Variants in ABI2 observed in about 807,000 individuals in gnomAD.
ABI2 encodes abl interactor 2.
In ABI2, 25 loss-of-function variants were observed where a neutral mutation model predicts 59.2. The ratio of observed to expected loss-of-function variants is 0.42; its 90% confidence interval spans 0.31 to 0.59. The LOEUF is 0.59. ABI2 is among the 20% of genes least tolerant of loss of function. The pLI, the probability that ABI2 is intolerant of heterozygous loss-of-function variation, is 0.14. For synonymous variants in ABI2, 213 were observed against 235.5 expected (o/e 0.90, Z 0.87); for missense variants, 545 against 681.8 (o/e 0.80, Z 2.23).
Position 203,430,850 on chromosome 2 carries a change from A to AT in ABI2, c.*3499dup, listed in dbSNP as rs1338175747. 1 of 152,226 alleles carries AT rather than the reference A, an allele frequency of 6.6e-6. No homozygotes were observed. The highest frequency in any genetic ancestry group is 2.4e-5 in the African/African-American group (1 of 41,472). 9.4% of individuals were successfully genotyped at this position (152,226 alleles called of 1,614,324 possible). On this transcript the variant is annotated 3_prime_UTR_variant, in exon 12 of 12. Coordinates refer to ENST00000261018, the MANE Select transcript of ABI2 (RefSeq NM_001375670.1). ...TGCTCCTTGGCAGTTTATGTTGAAG[A>AT]TAACTAAAGATTTTTCTCTTTGGGA...
At position 203,383,950 on chromosome 2, in the gene ABI2, C is replaced by T. The variant is rs139365963; in HGVS notation, c.480+1744C>T. On this transcript the variant is annotated intron_variant, in intron 4 of 11. Coordinates refer to ENST00000261018, the MANE Select transcript of ABI2 (RefSeq NM_001375670.1). Reference sequence around the variant, plus strand: ...CTTTTTATACTTTTCAGACAGTCTCCAGAGAAAGTCATCATACTTTAGGAC... The same window carrying T: ...CTTTTTATACTTTTCAGACAGTCTCTAGAGAAAGTCATCATACTTTAGGAC... 6.6e-4 allele frequency among the ~76,000 whole-genome samples: 101 copies of T among 152,186 alleles called. 1 individual carries two copies. The highest frequency in any genetic ancestry group is 3.4e-3 in the Middle Eastern group (1 of 294).
intron 11 of ABI2, among the ~76,000 whole-genome samples, chr2:203,425,608 G>T (rs888211774): frequency 2.6e-5 from 4 of 152,106 alleles, no homozygotes; most frequent in Non-Finnish European, 4.4e-5. Context: ...TATTTTCTGG[G>T]TTTTTTTGTA....
intron 1 of ABI2, among the ~76,000 whole-genome samples, chr2:203,358,071 T>TGTGTGTGTG (rs1234117326): frequency 6.2e-5 from 8 of 128,850 alleles, no homozygotes; most frequent in African/African-American, 2.4e-4. Context: ...CCTGGCCTGT[T>TGTGTGTGTG]TGTGTGTGTG....
intron 1 of ABI2, among the ~76,000 whole-genome samples, chr2:203,338,458 C>G (rs889339228): frequency 6.6e-6 from 1 of 151,898 alleles, no homozygotes; most frequent in Non-Finnish European, 1.5e-5. Context: ...TAAGTGAGTT[C>G]TTGCTTGGTT....
intron 1 of ABI2, among the ~76,000 whole-genome samples, chr2:203,339,991 A>G (rs1248054208): frequency 6.6e-6 from 1 of 152,198 alleles, no homozygotes; most frequent in Non-Finnish European, 1.5e-5. Context: ...TGTATATTGG[A>G]CCCACACAGT....
At chr2:203,330,533 T>G (rs2072550978) in intron 1 of ABI2, among the ~76,000 whole-genome samples, 2 of 152,118 alleles carry the variant, frequency 1.3e-5, no homozygotes, top group Non-Finnish European at 2.9e-5. Flanking sequence ...TACCATGTAG[T>G]TAATTTATAC....
chr2:203,328,514 G>A lies in ABI2; in HGVS notation c.-1G>A, dbSNP rs1265762813. 1.2e-6 allele frequency: 2 copies of A among 1,603,208 alleles called. No individual in the cohort carries two copies. Among genetic ancestry groups the A allele is most frequent in the Admixed American group, 3.4e-5 (2 of 59,072 alleles). On this transcript the variant is annotated 5_prime_UTR_variant, in exon 1 of 12. Coordinates refer to ENST00000261018, the MANE Select transcript of ABI2 (RefSeq NM_001375670.1). The stretch of plus-strand genomic sequence containing the variant: ...AGGAGGAGGAGGAGGAGGATGTGAA[G>A]ATGGCGGAGCTGCAGATGCTGCTGG...
At chr2:203,367,840 C>A (rs2094609730) in intron 2 of ABI2, among the ~76,000 whole-genome samples, 1 of 151,728 alleles carries the variant, frequency 6.6e-6, no homozygotes, top group African/African-American at 2.4e-5. Flanking sequence ...CTGTTCTCTA[C>A]CAAAAATACA....
At chr2:203,407,456 A>G (rs1423479522) in intron 9 of ABI2, among the ~76,000 whole-genome samples, 1 of 152,220 alleles carries the variant, frequency 6.6e-6, no homozygotes, top group African/African-American at 2.4e-5. Flanking sequence ...AAGCTGTAAA[A>G]ATAAGATGTA....
At chr2:203,367,118 C>T in intron 2 of ABI2, 74 bp downstream of exon 2, 1 of 1,438,294 alleles carries the variant, frequency 7.0e-7, no homozygotes, top group South Asian at 1.7e-5. Context: ...GTAATGCTGG[C>T]AGCTTTTATT....
At chr2:203,426,888 G>A (rs1034835423) in intron 11 of ABI2, among the ~76,000 whole-genome samples, 26 of 151,532 alleles carry the variant, frequency 1.7e-4, no homozygotes, top group African/African-American at 5.1e-4. Context: ...CTTCAATGAG[G>A]TACTTCCCTG....
At chr2:203,378,007 C>T (rs2095824369) in intron 2 of ABI2, among the ~76,000 whole-genome samples, 2 of 152,166 alleles carry the variant, frequency 1.3e-5, no homozygotes, top group African/African-American at 2.4e-5. Context: ...CTTAACTTTT[C>T]TGTTACAGTT....
At chr2:203,349,902 G>A (rs2086595442) in intron 1 of ABI2, among the ~76,000 whole-genome samples, 1 of 151,896 alleles carries the variant, frequency 6.6e-6, no homozygotes, top group South Asian at 2.1e-4. Flanking sequence ...GTTTCTTTGG[G>A]GTATATACCT....
At chr2:203,376,269 T>C (rs2095671069) in intron 2 of ABI2, 2 of 591,864 alleles carry the variant, frequency 3.4e-6, no homozygotes, top group Non-Finnish European at 5.8e-6. Context: ...GCTACAGTTA[T>C]CTACCTGGAT....
At chr2:203,359,784 C>T (rs1267514287) in intron 1 of ABI2, among the ~76,000 whole-genome samples, 1 of 152,114 alleles carries the variant, frequency 6.6e-6, no homozygotes, top group Non-Finnish European at 1.5e-5. Context: ...CTAATCACCT[C>T]CTAAAGGCTC....
chr2:203,428,384 G>A lies in ABI2; in HGVS notation c.*1032G>A, dbSNP rs895528651. ...CACTGGGAGTACAAGGTTTGCTAAT[G>A]TGCTCTCTGGACGTTATTAATGGCC... is the stretch of plus-strand genomic sequence containing the variant. On this transcript the variant is annotated 3_prime_UTR_variant, in exon 12 of 12. Transcript: ENST00000261018. 97 of 152,610 alleles carry A rather than the reference G, an allele frequency of 6.4e-4. No individual in the cohort carries two copies. Among genetic ancestry groups the A allele is most frequent in the African/African-American group, 2.3e-3 (94 of 41,498 alleles). 9.5% of individuals were successfully genotyped at this position (152,610 alleles called of 1,614,324 possible).
chr2:203,353,362 TTAG>T (rs1209609107), intron 1 of ABI2, among the ~76,000 whole-genome samples: 1 of 152,208 alleles, frequency 6.6e-6, no homozygotes, highest in Non-Finnish European at 1.5e-5. Context: ...ACTACCATAT[TTAG>T]TAGCACAGAT....
In ABI2 at chr2:203,430,092, A is replaced by G. The variant is rs2098470451; in HGVS notation, c.*2740A>G. ...GATTGTCTTGGAAGGATACTGTGTG[A>G]TGGGTCAGGCACACAGTAATTGGAG... On this transcript the variant is annotated 3_prime_UTR_variant, in exon 12 of 12. Coordinates refer to ENST00000261018, the MANE Select transcript of ABI2 (RefSeq NM_001375670.1). 1 of 152,150 alleles carries G rather than the reference A, an allele frequency of 6.6e-6. No individual in the cohort carries two copies. The highest frequency in any genetic ancestry group is 2.4e-5 in the African/African-American group (1 of 41,430). 9.4% of individuals were successfully genotyped at this position (152,150 alleles called of 1,614,324 possible).
chr2:203,415,005 T>C (rs1047503483), intron 10 of ABI2, among the ~76,000 whole-genome samples: 3 of 152,232 alleles, frequency 2.0e-5, no homozygotes, highest in African/African-American at 7.2e-5. Flanking sequence ...AATTTTGTAG[T>C]GTCATTTCTC....
Sources: allele counts gnomAD v4.1 joint callset (sites outside exome capture counted in the v4.1 genomes callset), GRCh38; gene constraint gnomAD v4.1.1; transcripts MANE v1.5; gene names NCBI Gene and HGNC (gene_info 2026-07-23, HGNC 2026-07-21).